The following ZC3H12B variants were observed in gnomAD, a reference collection of about 807,000 sequenced individuals.
ZC3H12B encodes the protein probable ribonuclease ZC3H12B.
In ZC3H12B, 7 loss-of-function variants were observed where a neutral mutation model predicts 43.9. That is an observed-to-expected ratio of 0.16 (90% confidence interval 0.09 to 0.30). The LOEUF is 0.30. ZC3H12B is among the 10% of genes least tolerant of loss of function. The probability of loss-of-function intolerance (pLI) is 1.00; values close to 1 mark genes in which losing one functional copy is unlikely to be tolerated. For synonymous variants in ZC3H12B, 222 were observed against 241.7 expected, an observed-to-expected ratio of 0.92 and a Z score of 0.76; for missense variants, 475 against 670.2, an observed-to-expected ratio of 0.71 and a Z score of 3.22.
chrX:65,429,445 G>A (rs1299925329), intron 3 of ZC3H12B, among the ~76,000 whole-genome samples: 1 of 112,727 alleles, frequency 8.9e-6, no homozygotes, highest in African/African-American at 3.2e-5. Flanking sequence ...TAGAAAACTG[G>A]CTGTGATGGC....
At chrX:65,080,594 GA>G in the ZC3H12B span, among the ~76,000 whole-genome samples, 2 of 110,423 alleles carry the variant, frequency 1.8e-5, no homozygotes, top group Non-Finnish European at 3.8e-5. Flanking sequence ...AAGTGCAGAA[GA>G]AAAAAAACTT....
chrX:65,153,170 TG>T, the ZC3H12B span, among the ~76,000 whole-genome samples: 22 of 111,951 alleles, frequency 2.0e-4, no homozygotes, highest in African/African-American at 7.1e-4. Context: ...GACATAGGCA[TG>T]GGCAAGGACT....
chrX:65,135,718 C>A, the ZC3H12B span, among the ~76,000 whole-genome samples: 1 of 104,696 alleles, frequency 9.6e-6, no homozygotes, highest in Non-Finnish European at 1.9e-5. Flanking sequence ...TTTTTAGCCA[C>A]ACATGTCTCT....
the ZC3H12B span, among the ~76,000 whole-genome samples, chrX:65,295,538 G>T: frequency 1.4e-4 from 16 of 110,936 alleles, 1 homozygote; most frequent in Non-Finnish European, 2.1e-4. Context: ...CCCAACAGAA[G>T]AAGAGTCATA....
chrX:65,319,542 TGAG>T, the ZC3H12B span, among the ~76,000 whole-genome samples: 3 of 111,515 alleles, frequency 2.7e-5, no homozygotes, highest in Admixed American at 9.5e-5. Flanking sequence ...TTCCAAAAAT[TGAG>T]GAGAGACTCC....
the ZC3H12B span, among the ~76,000 whole-genome samples, chrX:65,221,077 T>C: frequency 8.9e-6 from 1 of 111,746 alleles, no homozygotes; most frequent in Non-Finnish European, 1.9e-5. Context: ...ACATGGAAAT[T>C]AAATAACCTA....
the ZC3H12B span, among the ~76,000 whole-genome samples, chrX:65,317,744 TGTG>T: frequency 9.6e-6 from 1 of 104,009 alleles, no homozygotes; most frequent in Non-Finnish European, 2.0e-5. Context: ...TATCCTATTT[TGTG>T]TGTGTGTGTA....
chrX:65,289,205 A>G, the ZC3H12B span, among the ~76,000 whole-genome samples: 71 of 111,333 alleles, frequency 6.4e-4, no homozygotes, highest in African/African-American at 2.0e-3. Flanking sequence ...CAATCAAAAT[A>G]ACAGTGGCAT....
the ZC3H12B span, among the ~76,000 whole-genome samples, chrX:65,345,086 G>A: frequency 2.7e-5 from 3 of 112,212 alleles, no homozygotes; most frequent in African/African-American, 3.2e-5. Flanking sequence ...AGGAACAAGT[G>A]TACTGTTAGT....
chrX:65,161,367 A>C, the ZC3H12B span, among the ~76,000 whole-genome samples: 1 of 111,179 alleles, frequency 9.0e-6, no homozygotes, highest in African/African-American at 3.3e-5. Context: ...TGGGGTGTTA[A>C]AATCTCCCAT....
At chrX:65,226,195 G>A in the ZC3H12B span, among the ~76,000 whole-genome samples, 3 of 111,924 alleles carry the variant, frequency 2.7e-5, no homozygotes, top group Admixed American at 9.5e-5. Context: ...AAATCTACAA[G>A]CCAGAAGAGA....
the ZC3H12B span, among the ~76,000 whole-genome samples, chrX:65,284,899 A>T: frequency 4.0e-4 from 45 of 112,043 alleles, no homozygotes; most frequent in African/African-American, 1.4e-3. Flanking sequence ...TAGAAGAAAG[A>T]ATCTTAGAAC....
In ZC3H12B at chrX:65,499,931, A is replaced by C. The variant is rs1196436360; in HGVS notation, c.1032A>C (p.Glu344Asp). Residue 344 changes from glutamate to aspartate, a missense_variant, in exon 4 of 5, where the codon GAA becomes GAC. Transcript: ENST00000338957. ...TAGGACGCCACGGCCCAAGCCTTGA[A>C]AATTTCTTAAGAAAGAGACCCATTG... 2.5e-6 allele frequency: 3 copies of C among 1,210,088 alleles called. No homozygotes were observed. The African/African-American group carries it at 5.2e-5, about 21-fold the overall frequency.
intron 3 of ZC3H12B, among the ~76,000 whole-genome samples, chrX:65,448,348 A>T (rs778170399): frequency 1.8e-5 from 2 of 112,403 alleles, no homozygotes; most frequent in East Asian, 5.6e-4. Flanking sequence ...GTCTTAAATA[A>T]TTAAAGGTAG....
the ZC3H12B span, among the ~76,000 whole-genome samples, chrX:65,177,804 G>A: frequency 8.9e-5 from 10 of 112,440 alleles, no homozygotes; most frequent in East Asian, 5.6e-4. Flanking sequence ...AACATTCCAT[G>A]CTCATGGATA....
intron 3 of ZC3H12B, among the ~76,000 whole-genome samples, chrX:65,480,634 G>T (rs1257364726): frequency 9.0e-6 from 1 of 111,575 alleles, no homozygotes; most frequent in East Asian, 2.8e-4. Flanking sequence ...ATCACCTGAG[G>T]TCAGGAGTTC....
At chrX:65,224,590 C>T in the ZC3H12B span, among the ~76,000 whole-genome samples, 1 of 112,570 alleles carries the variant, frequency 8.9e-6, no homozygotes, top group African/African-American at 3.2e-5. Context: ...ACTCGGGAAG[C>T]ACAAGGGGTC....
At chrX:65,176,916 A>G in the ZC3H12B span, among the ~76,000 whole-genome samples, 2 of 112,115 alleles carry the variant, frequency 1.8e-5, no homozygotes, top group Non-Finnish European at 3.8e-5. Context: ...GGACTCCTCC[A>G]TAACTCATTG....
At chrX:65,277,057 C>T in the ZC3H12B span, among the ~76,000 whole-genome samples, 10 of 110,963 alleles carry the variant, frequency 9.0e-5, no homozygotes, top group Non-Finnish European at 1.5e-4. Flanking sequence ...AAACAAAAAG[C>T]GAGCAGAGTA....
Sources: gnomAD v4.1 joint callset for allele counts (sites outside exome capture counted in the v4.1 genomes callset) on GRCh38, gnomAD v4.1.1 for gene constraint, MANE v1.5 for transcripts, NCBI Gene and HGNC (gene_info 2026-07-23, HGNC 2026-07-21) for gene names.